ATG10: variants seen among roughly 807,000 people sequenced by gnomAD.
The protein encoded by ATG10 is autophagy related 10.
In ATG10, 30 loss-of-function variants were observed where a neutral mutation model predicts 32.1. That is an observed-to-expected ratio of 0.94 (90% CI 0.70 to 1.27). The LOEUF (loss-of-function observed/expected upper bound fraction) is 1.27, where lower values mean the gene tolerates loss of function less well. ATG10 is among the 50% of genes most tolerant of loss of function. The pLI is 0.00. For synonymous variants in ATG10, 87 were observed against 91.5 expected, an observed-to-expected ratio of 0.95 and a Z score of 0.28; for missense variants, 233 against 262.3, an observed-to-expected ratio of 0.89 and a Z score of 0.77.
At chr5:82,214,871 T>C (rs1366997003) in intron 5 of ATG10, among the ~76,000 whole-genome samples, 1 of 152,160 alleles carries the variant, frequency 6.6e-6, no homozygotes, top group Non-Finnish European at 1.5e-5. Flanking sequence ...TCATGTGTGT[T>C]TCATTCTCCA....
At chr5:82,173,362 A>C (rs1401538947) in intron 4 of ATG10, among the ~76,000 whole-genome samples, 3 of 152,202 alleles carry the variant, frequency 2.0e-5, no homozygotes, top group Non-Finnish European at 4.4e-5. Flanking sequence ...TTCAATTGAG[A>C]GATTTTATAT....
chr5:82,036,228 G>A (rs923008643), intron 2 of ATG10, among the ~76,000 whole-genome samples: 7 of 151,968 alleles, frequency 4.6e-5, no homozygotes, highest in Non-Finnish European at 8.8e-5. Context: ...TAACATATAT[G>A]GCCCTGTTTT....
chr5:82,179,118 T>G (rs1744140332), intron 5 of ATG10, among the ~76,000 whole-genome samples: 1 of 152,132 alleles, frequency 6.6e-6, no homozygotes, highest in African/African-American at 2.4e-5. Context: ...TATTGAATAC[T>G]TGACTGAAAG....
chr5:82,017,853 G>A (rs530060287), intron 2 of ATG10, among the ~76,000 whole-genome samples: 2 of 151,962 alleles, frequency 1.3e-5, no homozygotes, highest in South Asian at 4.2e-4. Context: ...TACTCTCTTA[G>A]TTCACCTTCT....
At chr5:82,179,613 T>A (rs1744158628) in intron 5 of ATG10, among the ~76,000 whole-genome samples, 1 of 152,134 alleles carries the variant, frequency 6.6e-6, no homozygotes. Context: ...CTTGCTAAAA[T>A]CAGTAGTTAT....
intron 3 of ATG10, among the ~76,000 whole-genome samples, chr5:82,130,283 G>A (rs926938793): frequency 2.0e-5 from 3 of 152,124 alleles, no homozygotes; most frequent in African/African-American, 7.2e-5. Context: ...GCTGTGCTCC[G>A]TGGTGGTGGG....
At chr5:82,122,567 G>A (rs918144073) in intron 3 of ATG10, among the ~76,000 whole-genome samples, 3 of 152,152 alleles carry the variant, frequency 2.0e-5, no homozygotes, top group Non-Finnish European at 2.9e-5. Context: ...AGAGTAAACA[G>A]ACAACCTACA....
chr5:81,986,901 A>T (rs1289394295), intron 1 of ATG10, among the ~76,000 whole-genome samples: 3 of 152,008 alleles, frequency 2.0e-5, no homozygotes, highest in African/African-American at 7.2e-5. Context: ...AAAATTAGCC[A>T]GCGTGGTGGC....
chr5:82,161,293 A>G (rs543692017), intron 3 of ATG10, among the ~76,000 whole-genome samples: 2 of 152,196 alleles, frequency 1.3e-5, no homozygotes, highest in South Asian at 4.2e-4. Context: ...GAGGACAAAT[A>G]CCCCTGGCTT....
intron 2 of ATG10, among the ~76,000 whole-genome samples, chr5:82,029,226 A>G (rs550418359): frequency 3.2e-4 from 49 of 152,354 alleles, no homozygotes; most frequent in Non-Finnish European, 4.4e-4. Context: ...CATTTGGAGA[A>G]AAGTGATAAA....
intron 3 of ATG10, among the ~76,000 whole-genome samples, chr5:82,089,310 C>T (rs1195518361): frequency 4.0e-5 from 6 of 151,564 alleles, no homozygotes; most frequent in Non-Finnish European, 8.8e-5. Context: ...CCATTGCACT[C>T]TAGCCTGGAC....
At chr5:82,131,185 T>C (rs769499685) in intron 3 of ATG10, among the ~76,000 whole-genome samples, 1 of 152,110 alleles carries the variant, frequency 6.6e-6, no homozygotes, top group Non-Finnish European at 1.5e-5. Flanking sequence ...GTAACAAATC[T>C]GCACCTGTAC....
chr5:82,135,686 G>T (rs1050280474), intron 3 of ATG10, among the ~76,000 whole-genome samples: 4 of 152,206 alleles, frequency 2.6e-5, no homozygotes, highest in Non-Finnish European at 5.9e-5. Context: ...TGAGAAGAAT[G>T]TATATGCTGT....
At chr5:82,193,260 C>T (rs1744727455) in intron 5 of ATG10, among the ~76,000 whole-genome samples, 1 of 152,136 alleles carries the variant, frequency 6.6e-6, no homozygotes, top group South Asian at 2.1e-4. Flanking sequence ...TGGATAGTGT[C>T]AGTATTGTAC....
chr5:82,030,727 A>G (rs1447261467), intron 2 of ATG10, among the ~76,000 whole-genome samples: 1 of 152,226 alleles, frequency 6.6e-6, no homozygotes, highest in African/African-American at 2.4e-5. Flanking sequence ...TCCTGCAAGT[A>G]TAACAATTAC....
chr5:82,033,914 A>G (rs1182680360), intron 2 of ATG10, among the ~76,000 whole-genome samples: 1 of 149,138 alleles, frequency 6.7e-6, no homozygotes, highest in African/African-American at 2.4e-5. Context: ...TACTATGTAT[A>G]TATACTATAT....
intron 5 of ATG10, among the ~76,000 whole-genome samples, chr5:82,205,243 G>GA (rs1396107150): frequency 2.0e-5 from 3 of 152,212 alleles, no homozygotes; most frequent in African/African-American, 7.2e-5. Context: ...TGAGTAAGCA[G>GA]AATGTGGTTT....
chr5:81,997,539 G>A (rs1761705959), intron 2 of ATG10, among the ~76,000 whole-genome samples: 2 of 152,140 alleles, frequency 1.3e-5, no homozygotes, highest in Admixed American at 6.5e-5. Flanking sequence ...TTCTTAACTA[G>A]GCTTAAATGA....
intron 5 of ATG10, among the ~76,000 whole-genome samples, chr5:82,201,609 TC>T (rs1280051581): frequency 6.6e-6 from 1 of 152,232 alleles, no homozygotes; most frequent in East Asian, 1.9e-4. Context: ...CCAACTTTGT[TC>T]TTTTTCAAGA....
Sources: gnomAD v4.1 joint callset for allele counts (sites outside exome capture counted in the v4.1 genomes callset) on GRCh38, gnomAD v4.1.1 for gene constraint, MANE v1.5 for transcripts, NCBI Gene and HGNC (gene_info 2026-07-23, HGNC 2026-07-21) for gene names.